SCRG1: variants seen among roughly 807,000 people sequenced by gnomAD.
The protein encoded by SCRG1 is scrapie-responsive protein 1.
Under a neutral mutation model 7.7 loss-of-function variants are expected in SCRG1, and 3 were observed. That is an observed-to-expected ratio of 0.39 (90% CI 0.18 to 1.01). The LOEUF is 1.01. Ranked by LOEUF, SCRG1 falls within the 50% of genes least tolerant of loss-of-function variation. The pLI, the probability that SCRG1 is intolerant of heterozygous loss-of-function variation, is 0.36. For missense variants in SCRG1, 110 were observed against 117.2 expected (o/e 0.94, Z 0.28); for synonymous variants, 46 against 41.2 (o/e 1.12, Z -0.44).
chr4:173,481,704 CTTAATGAAAG>C, the SCRG1 span, among the ~76,000 whole-genome samples: 2 of 152,242 alleles, frequency 1.3e-5, no homozygotes, highest in East Asian at 3.9e-4. Flanking sequence ...TCCACTTCCA[CTTAATGAAAG>C]TTAATATATT....
the SCRG1 span, among the ~76,000 whole-genome samples, chr4:173,439,882 T>A: frequency 6.6e-6 from 1 of 152,214 alleles, no homozygotes; most frequent in Non-Finnish European, 1.5e-5. Context: ...CAAGGACACG[T>A]CACACTGTCT....
the SCRG1 span, among the ~76,000 whole-genome samples, chr4:173,483,022 A>G: frequency 7.8e-6 from 1 of 128,332 alleles, no homozygotes; most frequent in Non-Finnish European, 1.6e-5. Context: ...TATATAATTT[A>G]TATGTAATAT....
the SCRG1 span, among the ~76,000 whole-genome samples, chr4:173,483,177 A>C: frequency 8.1e-6 from 1 of 123,410 alleles, no homozygotes; most frequent in African/African-American, 3.3e-5. Flanking sequence ...TATAACATAT[A>C]ATATATTATA....
At chr4:173,486,796 C>G in the SCRG1 span, among the ~76,000 whole-genome samples, 1 of 152,128 alleles carries the variant, frequency 6.6e-6, no homozygotes, top group African/African-American at 2.4e-5. Flanking sequence ...TATTTTTAGG[C>G]TCAGACTAAC....
chr4:173,423,636 CTCT>C, the SCRG1 span, among the ~76,000 whole-genome samples: 72 of 151,664 alleles, frequency 4.7e-4, no homozygotes, highest in African/African-American at 1.7e-3. Context: ...TACTATAATT[CTCT>C]TTTTTTGGTC....
Position 173,384,928 on chromosome 4 carries a change from A to G in SCRG1, c.*3413T>C, listed in dbSNP as rs953388611. The G allele has an allele frequency of 6.6e-6, 1 of 152,170 alleles. No homozygotes were observed. The highest frequency in any genetic ancestry group is 1.9e-4 in the East Asian group (1 of 5,206). The allele number at this position is 152,170 out of a possible 1,614,324, so 9.4% of individuals were successfully genotyped here. A position where few individuals can be genotyped will look rare whatever the true frequency, so the allele number is the denominator to read the frequency against. On this transcript the variant is annotated 3_prime_UTR_variant, in exon 3 of 3. Transcript: ENST00000296506. ...GTAAAAGTTTGCCTTTCTGTAAAGGAAATAATGCATTAGGTAATGCTGTTA... is the reference window on the plus strand; with the variant it reads ...GTAAAAGTTTGCCTTTCTGTAAAGGGAATAATGCATTAGGTAATGCTGTTA...
chr4:173,421,805 G>C, the SCRG1 span, among the ~76,000 whole-genome samples: 1 of 152,148 alleles, frequency 6.6e-6, no homozygotes, highest in Admixed American at 6.5e-5. Flanking sequence ...GGAGGATGGG[G>C]AAGATCACTG....
the SCRG1 span, among the ~76,000 whole-genome samples, chr4:173,513,027 C>A: frequency 6.6e-6 from 1 of 152,112 alleles, no homozygotes; most frequent in Non-Finnish European, 1.5e-5. Context: ...CCATTATAAC[C>A]CATATGAACC....
the SCRG1 span, among the ~76,000 whole-genome samples, chr4:173,502,754 C>A: frequency 2.0e-5 from 3 of 152,146 alleles, no homozygotes; most frequent in Non-Finnish European, 4.4e-5. This position sits in a 1 kb window ranked among gnomAD's most constrained non-coding sequence, Gnocchi z 4.6. Flanking sequence ...CAGACACCAA[C>A]CTGTCTGTTC....
chr4:173,478,914 C>T, the SCRG1 span, among the ~76,000 whole-genome samples: 1 of 152,106 alleles, frequency 6.6e-6, no homozygotes, highest in East Asian at 1.9e-4. Context: ...GGTGTGTTTT[C>T]ATTCATGTCT....
the SCRG1 span, among the ~76,000 whole-genome samples, chr4:173,494,396 C>G: frequency 2.6e-5 from 4 of 152,174 alleles, no homozygotes; most frequent in Non-Finnish European, 5.9e-5. Context: ...TTAGGGTTGC[C>G]GTCATCCTGC....
At chr4:173,505,026 CAT>C in the SCRG1 span, among the ~76,000 whole-genome samples, 1 of 152,178 alleles carries the variant, frequency 6.6e-6, no homozygotes, top group Non-Finnish European at 1.5e-5. The surrounding 1 kb of genome is among the most constrained non-coding windows in gnomAD (Gnocchi z 4.4). Context: ...GAGAAATCAC[CAT>C]AGTCTCACCT....
the SCRG1 span, among the ~76,000 whole-genome samples, chr4:173,516,672 A>T: frequency 6.6e-6 from 1 of 152,230 alleles, no homozygotes; most frequent in East Asian, 1.9e-4. Flanking sequence ...ACTGCGTAAG[A>T]GAGCGTTCCA....
the SCRG1 span, chr4:173,420,186 C>A: frequency 2.4e-6 from 1 of 424,184 alleles, no homozygotes; most frequent in South Asian, 1.9e-5. Context: ...ACCTTCAGGC[C>A]CGGCCCTAGT....
chr4:173,395,312 C>A (rs1420652697), intron 1 of SCRG1, among the ~76,000 whole-genome samples: 1 of 152,158 alleles, frequency 6.6e-6, no homozygotes, highest in African/African-American at 2.4e-5. Flanking sequence ...CAATGCTTGG[C>A]CCATATTTGA....
the SCRG1 span, among the ~76,000 whole-genome samples, chr4:173,485,082 AATATATT>A: frequency 0.034 from 299 of 8,782 alleles, 58 homozygotes; most frequent in African/African-American, 0.077. Context: ...TATATTATAT[AATATATT>A]ATATATTATA....
chr4:173,465,063 G>A, the SCRG1 span, among the ~76,000 whole-genome samples: 2 of 152,180 alleles, frequency 1.3e-5, no homozygotes, highest in Non-Finnish European at 1.5e-5. Context: ...ACAGAAAGTA[G>A]AATGGTGGTT....
the SCRG1 span, among the ~76,000 whole-genome samples, chr4:173,518,812 G>C: frequency 1.3e-5 from 2 of 152,180 alleles, no homozygotes; most frequent in African/African-American, 4.8e-5. Context: ...GCTGGGCCAA[G>C]GTATTCTCTG....
chr4:173,425,245 C>T, the SCRG1 span, among the ~76,000 whole-genome samples: 1 of 152,150 alleles, frequency 6.6e-6, no homozygotes, highest in Non-Finnish European at 1.5e-5. Flanking sequence ...TCATGACCAC[C>T]GTTTTGCCTT....
Sources: gnomAD v4.1 joint callset for allele counts (sites outside exome capture counted in the v4.1 genomes callset) on GRCh38, gnomAD v4.1.1 for gene constraint, Gnocchi (gnomAD v3.1) non-coding constraint, MANE v1.5 for transcripts, NCBI Gene and HGNC (gene_info 2026-07-23, HGNC 2026-07-21) for gene names.